The following MRGPRX3 variants were observed in gnomAD, a reference collection of about 807,000 sequenced individuals.
MRGPRX3 encodes MAS related GPR family member X3.
Under a neutral mutation model 16.5 loss-of-function variants are expected in MRGPRX3, and 14 were observed. The ratio of observed to expected loss-of-function variants is 0.85; its 90% CI spans 0.56 to 1.33. MRGPRX3 has a LOEUF of 1.33. MRGPRX3 is among the 40% of genes most tolerant of loss of function. The pLI is 0.00. For missense variants in MRGPRX3, 449 were observed against 413.0 expected (o/e 1.09, Z -0.76); for synonymous variants, 199 against 180.1 (o/e 1.10, Z -0.84).
intron 1 of MRGPRX3, among the ~76,000 whole-genome samples, chr11:18,126,590 C>T (rs1848898614): frequency 6.6e-6 from 1 of 152,066 alleles, no homozygotes; most frequent in African/African-American, 2.4e-5. Context: ...GTGCTGCACC[C>T]ATTAACTCGT....
intron 1 of MRGPRX3, among the ~76,000 whole-genome samples, chr11:18,126,649 AC>A (rs1333331546): frequency 2.0e-5 from 3 of 148,564 alleles, no homozygotes; most frequent in African/African-American, 5.0e-5. Context: ...CCCTTCCCCC[AC>A]CCCACAACCG....
chr11:18,133,781 G>T (rs1252261658), intron 1 of MRGPRX3, among the ~76,000 whole-genome samples: 1 of 152,106 alleles, frequency 6.6e-6, no homozygotes, highest in Non-Finnish European at 1.5e-5. Context: ...TTTCTTTTTA[G>T]CAATTTGAGA....
intron 1 of MRGPRX3, among the ~76,000 whole-genome samples, chr11:18,126,865 C>T (rs1216084187): frequency 6.6e-6 from 1 of 152,190 alleles, no homozygotes; most frequent in Non-Finnish European, 1.5e-5. Flanking sequence ...TGTATATGTG[C>T]CACGTTTTCT....
At chr11:18,122,896 G>A (rs1339291277) in intron 1 of MRGPRX3, among the ~76,000 whole-genome samples, 1 of 152,106 alleles carries the variant, frequency 6.6e-6, no homozygotes, top group Admixed American at 6.5e-5. Flanking sequence ...GTGTGAGATG[G>A]TATCTCATTG....
chr11:18,135,554 G>A (rs944565313), intron 1 of MRGPRX3, among the ~76,000 whole-genome samples: 7 of 152,116 alleles, frequency 4.6e-5, no homozygotes, highest in Non-Finnish European at 8.8e-5. Flanking sequence ...GAGCAAACGT[G>A]GCCTCTGATA....
intron 1 of MRGPRX3, among the ~76,000 whole-genome samples, chr11:18,135,165 T>C (rs576729160): frequency 6.6e-6 from 1 of 152,236 alleles, no homozygotes; most frequent in Non-Finnish European, 1.5e-5. Flanking sequence ...CTTCATCTTA[T>C]GTTATATGAG....
chr11:18,137,245 A>G lies in MRGPRX3; in HGVS notation c.43A>G (p.Ile15Val). 4 of 1,612,898 alleles carry G rather than the reference A, an allele frequency of 2.5e-6. No individual in the cohort carries two copies. The highest frequency in any genetic ancestry group is 1.1e-5 in the South Asian group (1 of 90,950). The change falls in exon 2 of 2, where the codon ATC (isoleucine) becomes GTC (valine). Residue 15 changes from isoleucine (I) to valine (V), a missense_variant. Physicochemically the swap from Ile to Val is conservative, Grantham distance 29. Coordinates refer to ENST00000621697, the MANE Select transcript of MRGPRX3 (RefSeq NM_001370464.1). ...IPVLGTELTP[I>V]NGREETPCYK... ...AGTCTTGGGTACAGAACTGACACCA[A>G]TCAACGGACGTGAGGAGACTCCTTG...
At chr11:18,128,204 G>A (rs1338525472), upstream of MRGPRX3, among the ~76,000 whole-genome samples, 3 of 151,958 alleles carry the variant, frequency 2.0e-5, no homozygotes, top group Admixed American at 1.3e-4. Context: ...CCCAGATAGG[G>A]AATCAGGGGG....
chr11:18,135,882 T>C lies in MRGPRX3; in HGVS notation c.-25-1296T>C, dbSNP rs550758373. Among the ~76,000 whole-genome samples the C allele has an allele frequency of 2.5e-4, 38 of 152,342 alleles. 3 individuals are homozygous for C. The South Asian group carries it at 7.9e-3, about 32-fold the overall frequency. On this transcript the variant is annotated intron_variant, in intron 1 of 1. Transcript: ENST00000621697. ...CCGGACAAATAATATCCTCTCTTTA[T>C]ACTCTAATTTCATTATCTGCAATAC... is the stretch of plus-strand genomic sequence containing the variant.
chr11:18,137,881 C>A lies in MRGPRX3; in HGVS notation c.679C>A (p.Leu227Ile), dbSNP rs772598546. The change falls in exon 2 of 2, where the codon CTC becomes ATC. Residue 227 changes from leucine to isoleucine, a missense_variant. Coordinates refer to ENST00000621697, the MANE Select transcript of MRGPRX3 (RefSeq NM_001370464.1). Reference sequence around the variant, plus strand: ...CCTCCTCACAGTGCTGGTCTTCCTCCTCTGTGGCCTGCCCTTTGGCATTCA... The same window carrying A: ...CCTCCTCACAGTGCTGGTCTTCCTCATCTGTGGCCTGCCCTTTGGCATTCA... ...TILLTVLVFLLCGLPFGIQWA... is the reference protein window; with the variant it reads ...TILLTVLVFLICGLPFGIQWA... 80 of 1,614,138 alleles carry A rather than the reference C, an allele frequency of 5.0e-5. No homozygotes were observed. The highest frequency in any genetic ancestry group is 6.8e-5 in the Non-Finnish European group (80 of 1,180,056).
intron 1 of MRGPRX3, among the ~76,000 whole-genome samples, chr11:18,126,509 A>T (rs1023331280): frequency 6.6e-6 from 1 of 151,744 alleles, no homozygotes; most frequent in Non-Finnish European, 1.5e-5. Context: ...TTCTTTTTTT[A>T]TTATTAAGTT....
At chr11:18,133,796 A>G (rs12274666) in intron 1 of MRGPRX3, among the ~76,000 whole-genome samples, 7,771 of 152,282 alleles carry the variant, frequency 0.051, 666 homozygotes, top group African/African-American at 0.18. Context: ...TTGAGAATGA[A>G]CTAATACACA....
chr11:18,122,951 T>G (rs1031349728), intron 1 of MRGPRX3, among the ~76,000 whole-genome samples: 1 of 152,154 alleles, frequency 6.6e-6, no homozygotes, highest in Admixed American at 6.5e-5. Context: ...TGGTGAGCAT[T>G]TTTTCATGTG....
intron 1 of MRGPRX3, among the ~76,000 whole-genome samples, chr11:18,134,637 A>G (rs774985577): frequency 2.0e-5 from 3 of 152,208 alleles, no homozygotes; most frequent in African/African-American, 4.8e-5. Flanking sequence ...TAGAAGCTCC[A>G]AAGCATCATA....
At chr11:18,129,318 G>T (rs1199504888), upstream of MRGPRX3, among the ~76,000 whole-genome samples, 2 of 152,156 alleles carry the variant, frequency 1.3e-5, no homozygotes, top group Non-Finnish European at 2.9e-5. Context: ...GAACAGAGAA[G>T]ATTCAAATAA....
upstream of MRGPRX3, among the ~76,000 whole-genome samples, chr11:18,131,969 G>T (rs1163948937): frequency 2.0e-5 from 3 of 152,128 alleles, no homozygotes; most frequent in Admixed American, 2.0e-4. Context: ...CACTGCTCAG[G>T]TGATGGGTGC....
intron 1 of MRGPRX3, among the ~76,000 whole-genome samples, chr11:18,122,408 A>G (rs900832616): frequency 1.3e-5 from 2 of 152,060 alleles, no homozygotes; most frequent in Admixed American, 1.3e-4. Context: ...TCATTGTTCA[A>G]TTCCCACCTG....
intron 1 of MRGPRX3, among the ~76,000 whole-genome samples, chr11:18,121,879 C>T (rs1848841932): frequency 6.6e-6 from 1 of 152,072 alleles, no homozygotes; most frequent in Admixed American, 6.5e-5. Context: ...CCTCAGGGTC[C>T]TCTGCCTAGG....
upstream of MRGPRX3, among the ~76,000 whole-genome samples, chr11:18,130,291 T>A (rs1848948368): frequency 1.3e-5 from 2 of 152,090 alleles, no homozygotes; most frequent in Admixed American, 1.3e-4. Flanking sequence ...TAAAGACTCA[T>A]CCAGAAAGCT....
Sources: gnomAD v4.1 joint callset for allele counts (sites outside exome capture counted in the v4.1 genomes callset) on GRCh38, gnomAD v4.1.1 for gene constraint, MANE v1.5 for transcripts, NCBI Gene and HGNC (gene_info 2026-07-23, HGNC 2026-07-21) for gene names.